Variants in FGF12 observed in about 807,000 individuals in gnomAD.
FGF12 encodes fibroblast growth factor 12, also known as fibroblast growth factor 12B.
FGF12 carries 14 observed loss-of-function variants against 23.6 expected under a neutral mutation model. That is an observed-to-expected ratio of 0.59 (90% CI 0.39 to 0.93). The LOEUF (loss-of-function observed/expected upper bound fraction) is 0.93, where lower values mean the gene tolerates loss of function less well. Among genes scored for constraint, FGF12 ranks in the 40% least tolerant of loss-of-function variants. The pLI, the probability that FGF12 is intolerant of heterozygous loss-of-function variation, is 0.00. For missense variants in FGF12, 175 were observed against 217.8 expected, an observed-to-expected ratio of 0.80 and a Z score of 1.24; for synonymous variants, 62 against 77.3, an observed-to-expected ratio of 0.80 and a Z score of 1.04.
At chr3:192,453,126 C>A (rs1000776832) in intron 2 of FGF12, among the ~76,000 whole-genome samples, 5 of 152,132 alleles carry the variant, frequency 3.3e-5, no homozygotes, top group Non-Finnish European at 7.3e-5. Context: ...TACCTTCCTT[C>A]TCTGCATTAT....
chr3:192,281,738 A>G (rs773116895), intron 4 of FGF12, among the ~76,000 whole-genome samples: 2 of 152,112 alleles, frequency 1.3e-5, no homozygotes, highest in Non-Finnish European at 2.9e-5. Flanking sequence ...CTCTGAGTAC[A>G]GTGCATCCAG....
intron 4 of FGF12, among the ~76,000 whole-genome samples, chr3:192,325,277 C>T (rs1056324713): frequency 6.6e-6 from 1 of 151,994 alleles, no homozygotes; most frequent in African/African-American, 2.4e-5. Flanking sequence ...TTTCCAAGTG[C>T]TATACCCCCC....
intron 2 of FGF12, among the ~76,000 whole-genome samples, chr3:192,564,064 G>GTT (rs1202412105): frequency 6.7e-6 from 1 of 149,784 alleles, no homozygotes; most frequent in Non-Finnish European, 1.5e-5. Context: ...TTTTGTTTTT[G>GTT]TTTGTTTGTT....
intron 4 of FGF12, among the ~76,000 whole-genome samples, chr3:192,197,792 C>A (rs187132548): frequency 1.5e-4 from 23 of 151,992 alleles, no homozygotes; most frequent in Admixed American, 1.2e-3. Flanking sequence ...TAAAAAAATA[C>A]AAAGTTAGCC....
chr3:192,439,721 A>G (rs1576982934), intron 2 of FGF12, among the ~76,000 whole-genome samples: 2 of 152,290 alleles, frequency 1.3e-5, no homozygotes, highest in African/African-American at 4.8e-5. Flanking sequence ...TCACGCCTGT[A>G]ATCCCAGCAC....
chr3:192,346,553 C>G (rs186409944), intron 3 of FGF12, among the ~76,000 whole-genome samples: 41 of 152,110 alleles, frequency 2.7e-4, no homozygotes, highest in African/African-American at 8.9e-4. Context: ...AAATGTAAAA[C>G]CTTTTATGCT....
rs142338968 is a variant in FGF12 at position 192,347,827 on chromosome 3, G to A, written c.125-12363C>T. On this transcript the variant is annotated intron_variant, in intron 3 of 5. Coordinates refer to ENST00000445105, the MANE Select transcript of FGF12 (RefSeq NM_004113.6). ...TCTTCAGTCAGCATTGATTTCCCCTGTTGAGACTTTCCAAGGCACTTCCTT... is the reference window on the plus strand; with the variant it reads ...TCTTCAGTCAGCATTGATTTCCCCTATTGAGACTTTCCAAGGCACTTCCTT... Among the ~76,000 whole-genome samples the A allele has an allele frequency of 5.3e-5, 8 of 152,220 alleles. No homozygotes were observed. The East Asian group carries it at 1.5e-3, about 29-fold the overall frequency.
chr3:192,494,143 T>C (rs1723881608), intron 2 of FGF12, among the ~76,000 whole-genome samples: 1 of 152,176 alleles, frequency 6.6e-6, no homozygotes, highest in Non-Finnish European at 1.5e-5. Context: ...CCTCTGTAGC[T>C]TCCCCTCCAG....
chr3:192,283,493 C>T (rs909137749), intron 4 of FGF12, among the ~76,000 whole-genome samples: 3 of 152,084 alleles, frequency 2.0e-5, no homozygotes, highest in South Asian at 2.1e-4. Context: ...AATTTCCACA[C>T]ACATATAATT....
chr3:192,702,773 G>C (rs1227142535), intron 2 of FGF12, among the ~76,000 whole-genome samples: 1 of 151,954 alleles, frequency 6.6e-6, no homozygotes, highest in African/African-American at 2.4e-5. Flanking sequence ...GCCTGAGCAA[G>C]GGAAACAGGG....
intron 2 of FGF12, among the ~76,000 whole-genome samples, chr3:192,658,522 C>G (rs965475601): frequency 6.6e-6 from 1 of 152,174 alleles, no homozygotes; most frequent in East Asian, 1.9e-4. Flanking sequence ...GAGTTTGGAG[C>G]GTGCTAACCA....
At chr3:192,440,030 G>C (rs1722158526) in intron 2 of FGF12, among the ~76,000 whole-genome samples, 1 of 151,542 alleles carries the variant, frequency 6.6e-6, no homozygotes. Context: ...GGAGCTTTAT[G>C]GAAGAAGTAA....
rs547259001 is a variant in FGF12 at position 192,626,538 on chromosome 3, T to C, written c.13+100643A>G. Among the ~76,000 whole-genome samples, 8 of 152,260 alleles carry C rather than the reference T, an allele frequency of 5.3e-5. No homozygotes were observed. The South Asian group carries it at 1.7e-3, about 32-fold the overall frequency. On this transcript the variant is annotated intron_variant, in intron 2 of 5. Transcript: ENST00000445105. ...GTAGGCATTTTGGATATAAATTAAA[T>C]ATCGACAGGAATTAGTCATCATTAG...
chr3:192,678,132 A>C (rs573717494), intron 2 of FGF12, among the ~76,000 whole-genome samples: 68 of 152,336 alleles, frequency 4.5e-4, no homozygotes, highest in African/African-American at 1.6e-3. Flanking sequence ...ATGAGCCTTG[A>C]CTATGTGACA....
intron 2 of FGF12, among the ~76,000 whole-genome samples, chr3:192,525,009 C>T (rs1177190556): frequency 6.6e-6 from 1 of 152,074 alleles, no homozygotes; most frequent in African/African-American, 2.4e-5. Context: ...TTTCAAGAAA[C>T]TCTTCCTCAT....
intron 2 of FGF12, among the ~76,000 whole-genome samples, chr3:192,423,413 G>A (rs1417558157): frequency 2.6e-5 from 4 of 152,042 alleles, no homozygotes; most frequent in Non-Finnish European, 4.4e-5. Context: ...CTAAATTCTC[G>A]GGTTTTTCAT....
At chr3:192,559,389 G>T (rs963029326) in intron 2 of FGF12, among the ~76,000 whole-genome samples, 3 of 151,932 alleles carry the variant, frequency 2.0e-5, no homozygotes, top group African/African-American at 7.2e-5. Flanking sequence ...ATAGTAAAAA[G>T]ATGAGTGGTT....
At chr3:192,245,091 T>C (rs1170936878) in intron 4 of FGF12, 1 of 137,574 alleles carries the variant, frequency 7.3e-6, no homozygotes, top group Non-Finnish European at 1.6e-5. Context: ...TTTGTTAGTT[T>C]GTTTGCTTGG....
intron 2 of FGF12, among the ~76,000 whole-genome samples, chr3:192,414,312 A>C (rs1459402778): frequency 6.6e-6 from 1 of 152,238 alleles, no homozygotes. Flanking sequence ...TTATAAATGA[A>C]GAAACCAGGA....
Sources: gnomAD v4.1 joint callset for allele counts (sites outside exome capture counted in the v4.1 genomes callset) on GRCh38, gnomAD v4.1.1 for gene constraint, MANE v1.5 for transcripts, NCBI Gene and HGNC (gene_info 2026-07-23, HGNC 2026-07-21) for gene names.